Variants in ABCC3 observed in about 807,000 individuals in gnomAD.
The protein encoded by ABCC3 is ATP binding cassette subfamily C member 3.
A neutral mutation model predicts 165.3 loss-of-function variants in ABCC3; 121 were observed. That is an observed-to-expected ratio of 0.73 (90% CI 0.63 to 0.85). ABCC3 has a LOEUF of 0.85. ABCC3 is among the 40% of genes least tolerant of loss of function. The pLI, the probability that ABCC3 is intolerant of heterozygous loss-of-function variation, is 0.00. For synonymous variants in ABCC3, 733 were observed against 810.1 expected (o/e 0.90, Z 1.62); for missense variants, 1,869 against 1,964.1 (o/e 0.95, Z 0.92).
chr17:50,673,961 T>TC (rs1967717698), intron 19 of ABCC3, among the ~76,000 whole-genome samples: 1 of 22,034 alleles, frequency 4.5e-5, no homozygotes, highest in African/African-American at 2.2e-4. Flanking sequence ...TCTTTCTTTC[T>TC]TTCTTTCTTT....
chr17:50,668,385 G>C, intron 13 of ABCC3, 45 bp from the exon 14 acceptor site: 1 of 1,556,502 alleles, frequency 6.4e-7, no homozygotes, highest in Non-Finnish European at 8.9e-7. Context: ...GGGGTTGGGG[G>C]TTGGGAAAGT....
Position 50,673,021 on chromosome 17 carries a change from T to A in ABCC3, c.2292T>A (p.Ala764=), listed in dbSNP as rs1967680890. 1.4e-5 allele frequency: 22 copies of A among 1,614,150 alleles called. No homozygotes were observed. The highest frequency in any genetic ancestry group is 1.8e-5 in the Non-Finnish European group (21 of 1,180,022). Residue 764 remains alanine, a synonymous_variant, in exon 18 of 31, where the codon GCT becomes GCA. Coordinates refer to ENST00000285238, the MANE Select transcript of ABCC3 (RefSeq NM_003786.4). ...GQRQRVSLAR[A]VYSDADIFLL... ...GGCAGCGGGTCAGTCTGGCTCGAGCTGTTTACAGTGATGCCGATATTTTCT... is the reference window on the plus strand; with the variant it reads ...GGCAGCGGGTCAGTCTGGCTCGAGCAGTTTACAGTGATGCCGATATTTTCT...
chr17:50,671,702 CTTTTTTTTTTTTTTTT>C (rs386386244), intron 17 of ABCC3, among the ~76,000 whole-genome samples: 10 of 56,396 alleles, frequency 1.8e-4, no homozygotes, highest in South Asian at 1.9e-3. Flanking sequence ...TCCTTCCTTC[CTTTTTTTTTTTTTTTT>C]TTTTTTTTTT....
intron 17 of ABCC3, among the ~76,000 whole-genome samples, chr17:50,669,925 A>G (rs531625585): frequency 7.9e-5 from 12 of 151,708 alleles, no homozygotes; most frequent in African/African-American, 1.7e-4. Context: ...CCTCCTGAGT[A>G]TCTGGGACCA....
chr17:50,665,674 C>T (rs1023663950), intron 11 of ABCC3, among the ~76,000 whole-genome samples: 5 of 150,660 alleles, frequency 3.3e-5, no homozygotes, highest in African/African-American at 9.8e-5. Context: ...GGCATGATCT[C>T]GGCTCACTGC....
intron 13 of ABCC3, 135 bp from the exon 14 acceptor site, chr17:50,668,295 G>A (rs866641627): frequency 9.1e-5 from 67 of 736,870 alleles, no homozygotes; most frequent in African/African-American, 8.5e-4. Flanking sequence ...AGACTCAGTC[G>A]TGGGAGGGAC....
chr17:50,637,065 ACCT>A (rs775830630), intron 1 of ABCC3, among the ~76,000 whole-genome samples: 3 of 152,028 alleles, frequency 2.0e-5, no homozygotes, highest in Non-Finnish European at 2.9e-5. Flanking sequence ...AGCTATACAC[ACCT>A]CCTCTGAGGA....
At position 50,635,001 on chromosome 17, in the gene ABCC3, G is replaced by C; in HGVS notation, c.45+20G>C. 8.0e-7 allele frequency: 1 copy of C among 1,257,668 alleles called. No homozygotes were observed. 77.9% of individuals were successfully genotyped at this position (1,257,668 alleles called of 1,614,324 possible). A position where few individuals can be genotyped will look rare whatever the true frequency, so the allele number is the denominator to read the frequency against. On this transcript the variant is annotated intron_variant, in intron 1 of 30. Transcript: ENST00000285238. ...TTCTGGGTAAGGCGCGGGGCTCCGG[G>C]GTCACTGCGCGGGGGCCAGGGTCGG...
At position 50,680,811 on chromosome 17, in the gene ABCC3, A is replaced by ATGCC. The variant is rs1371827535; in HGVS notation, c.3807+915_3807+918dup. 3.3e-5 allele frequency among the ~76,000 whole-genome samples: 5 copies of ATGCC among 152,286 alleles called. No homozygotes were observed. The East Asian group carries it at 7.7e-4, about 24-fold the overall frequency. The stretch of plus-strand genomic sequence containing the variant: ...TGCAGGAGGCGGGGCACAGTGACTC[A>ATGCC]TGCCTGTAATCCCAGCACTTTGGGA... On this transcript the variant is annotated intron_variant, in intron 26 of 30. Coordinates refer to ENST00000285238, the MANE Select transcript of ABCC3 (RefSeq NM_003786.4).
intron 18 of ABCC3, 56 bp from the exon 19 acceptor site, chr17:50,673,413 G>C: frequency 6.3e-7 from 1 of 1,584,918 alleles, no homozygotes; most frequent in Non-Finnish European, 8.6e-7. Context: ...CTCCGTGCCT[G>C]TGCCAGGGGT....
chr17:50,651,107 C>T (rs143926487), intron 1 of ABCC3, among the ~76,000 whole-genome samples: 144 of 148,522 alleles, frequency 9.7e-4, no homozygotes, highest in African/African-American at 3.4e-3. Context: ...CCTTAGTGAC[C>T]TTAATTTCCA....
intron 1 of ABCC3, chr17:50,635,297 C>A (rs1254470293): frequency 1.6e-6 from 1 of 626,650 alleles, no homozygotes; most frequent in Non-Finnish European, 2.9e-6. Flanking sequence ...TCGGCTCCAT[C>A]CCAGCCCCTC....
chr17:50,657,696 A>G (rs893466298), intron 4 of ABCC3, among the ~76,000 whole-genome samples: 1 of 152,314 alleles, frequency 6.6e-6, no homozygotes, highest in East Asian at 1.9e-4. Flanking sequence ...CAAGGAGAGT[A>G]GCAAAGAACA....
At chr17:50,651,191 T>C (rs1412738540) in intron 1 of ABCC3, among the ~76,000 whole-genome samples, 1 of 152,032 alleles carries the variant, frequency 6.6e-6, no homozygotes, top group African/African-American at 2.4e-5. Context: ...TGAACCATAA[T>C]GTCTAGAAGC....
Position 50,669,351 on chromosome 17 carries a change from G to GTA in ABCC3, c.2065-1_2065insTA (p.Gly689Ter). ...CCGAGGTAAATTTCTCCTGTGGCCA[G>GTA]GGCTCCGTGGCCTATGTGCCCCAGC... On this transcript the variant is annotated frameshift_variant and splice_region_variant. Coordinates refer to ENST00000285238, the MANE Select transcript of ABCC3 (RefSeq NM_003786.4). LOFTEE classifies it high-confidence loss of function. 1.9e-6 allele frequency: 3 copies of GTA among 1,614,232 alleles called. No individual in the cohort carries two copies. The highest frequency in any genetic ancestry group is 2.5e-6 in the Non-Finnish European group (3 of 1,180,036).
chr17:50,649,830 GT>G (rs943843162), intron 1 of ABCC3, among the ~76,000 whole-genome samples: 3 of 152,178 alleles, frequency 2.0e-5, no homozygotes, highest in African/African-American at 7.2e-5. Context: ...AACAATAGCC[GT>G]TCATTAAATG....
chr17:50,650,805 C>T (rs987804879), intron 1 of ABCC3, among the ~76,000 whole-genome samples: 2 of 152,028 alleles, frequency 1.3e-5, no homozygotes, highest in African/African-American at 4.8e-5. Context: ...GTGGCTCATG[C>T]CTGTAATCCC....
chr17:50,681,825 G>T (rs140723561), intron 26 of ABCC3, among the ~76,000 whole-genome samples: 398 of 152,012 alleles, frequency 2.6e-3, no homozygotes, highest in African/African-American at 8.8e-3. Context: ...TGGAGTCCTC[G>T]TGGATTCCGT....
At chr17:50,683,532 C>A in intron 26 of ABCC3, 78 bp from the exon 27 acceptor site, 4 of 1,435,068 alleles carry the variant, frequency 2.8e-6, no homozygotes, top group Non-Finnish European at 3.7e-6. Context: ...GATTGAGGGG[C>A]CTTGGGGGAG....
Sources: allele counts gnomAD v4.1 joint callset (sites outside exome capture counted in the v4.1 genomes callset), GRCh38; gene constraint gnomAD v4.1.1; transcripts MANE v1.5; gene names NCBI Gene and HGNC (gene_info 2026-07-23, HGNC 2026-07-21).